PARP8: variants seen among roughly 807,000 people sequenced by gnomAD.
PARP8 encodes poly(ADP-ribose) polymerase family member 8.
Under a neutral mutation model 124.1 loss-of-function variants are expected in PARP8, and 51 were observed. That is an observed-to-expected ratio of 0.41 (90% CI 0.33 to 0.52). The LOEUF is 0.52. Ranked by LOEUF, PARP8 falls within the 20% of genes least tolerant of loss-of-function variation. The probability of loss-of-function intolerance (pLI) is 0.21; values close to 1 mark genes in which losing one functional copy is unlikely to be tolerated. For missense variants in PARP8, 860 were observed against 1,018.9 expected (o/e 0.84, Z 2.12); for synonymous variants, 391 against 361.5 (o/e 1.08, Z -0.93).
chr5:50,823,588 A>G (rs981793738), intron 17 of PARP8, among the ~76,000 whole-genome samples: 3 of 152,220 alleles, frequency 2.0e-5, no homozygotes, highest in African/African-American at 7.2e-5. Context: ...TAGGAGAAAA[A>G]AAGAACATAT....
At chr5:50,826,941 T>C (rs1746419659) in intron 19 of PARP8, 138 bp downstream of exon 19, 1 of 1,267,868 alleles carries the variant, frequency 7.9e-7, no homozygotes, top group African/African-American at 1.6e-5. Context: ...ATTCTTTAGT[T>C]TGAAATAGCC....
chr5:50,736,398 T>A (rs1757482064), intron 2 of PARP8, among the ~76,000 whole-genome samples: 1 of 152,188 alleles, frequency 6.6e-6, no homozygotes, highest in South Asian at 2.1e-4. Context: ...AACCAATGCC[T>A]ATTTGGAACA....
At chr5:50,686,115 A>T (rs1050481601) in intron 2 of PARP8, among the ~76,000 whole-genome samples, 1 of 152,228 alleles carries the variant, frequency 6.6e-6, no homozygotes, top group South Asian at 2.1e-4. Context: ...AGACATGGAA[A>T]GTCCCTTCCA....
At chr5:50,668,463 A>G (rs1579880001) in intron 2 of PARP8, 2 of 219,174 alleles carry the variant, frequency 9.1e-6, no homozygotes, top group South Asian at 1.0e-4. Flanking sequence ...AGTGAAATGT[A>G]TAAAAGACAT....
intron 2 of PARP8, among the ~76,000 whole-genome samples, chr5:50,731,494 C>T (rs1394040563): frequency 1.3e-5 from 2 of 152,062 alleles, no homozygotes; most frequent in Non-Finnish European, 2.9e-5. Flanking sequence ...TATTTATATG[C>T]TAAAGAAGAA....
At chr5:50,692,162 G>A (rs1752559534) in intron 2 of PARP8, among the ~76,000 whole-genome samples, 1 of 152,024 alleles carries the variant, frequency 6.6e-6, no homozygotes, top group Non-Finnish European at 1.5e-5. Flanking sequence ...TCTGCTTAAA[G>A]CCCTTCCTTG....
At chr5:50,783,457 A>G (rs945598452) in intron 9 of PARP8, among the ~76,000 whole-genome samples, 2 of 152,188 alleles carry the variant, frequency 1.3e-5, no homozygotes, top group African/African-American at 2.4e-5. Context: ...TGATTTACAT[A>G]AATGCTATCG....
intron 3 of PARP8, among the ~76,000 whole-genome samples, chr5:50,753,891 C>T (rs780933146): frequency 6.6e-6 from 1 of 150,778 alleles, no homozygotes; most frequent in Non-Finnish European, 1.5e-5. Context: ...TTCATCTCTC[C>T]CCAAGTCTCA....
chr5:50,727,804 C>A (rs1580116589), intron 2 of PARP8, among the ~76,000 whole-genome samples: 1 of 152,182 alleles, frequency 6.6e-6, no homozygotes, highest in Admixed American at 6.6e-5. Context: ...TTCCTGGTAC[C>A]CTTTGTCAAG....
chr5:50,824,137 A>G (rs1746076263), intron 17 of PARP8, among the ~76,000 whole-genome samples: 1 of 152,210 alleles, frequency 6.6e-6, no homozygotes, highest in Non-Finnish European at 1.5e-5. Context: ...CTTTTTAGAG[A>G]AGGCTTCGTC....
chr5:50,782,925 A>G (rs1042151644), intron 9 of PARP8, among the ~76,000 whole-genome samples: 6 of 152,190 alleles, frequency 3.9e-5, no homozygotes, highest in African/African-American at 1.4e-4. Flanking sequence ...TGACCGCAAG[A>G]GATCACTACA....
chr5:50,702,310 C>G (rs1231764996), intron 2 of PARP8, among the ~76,000 whole-genome samples: 5 of 152,054 alleles, frequency 3.3e-5, no homozygotes, highest in Non-Finnish European at 5.9e-5. Context: ...CAATAAATAA[C>G]TTGATCTGTG....
At chr5:50,747,761 CTTTTTTTTTTT>C (rs70972943) in intron 2 of PARP8, among the ~76,000 whole-genome samples, 4 of 52,936 alleles carry the variant, frequency 7.6e-5, no homozygotes, top group East Asian at 5.3e-4. Flanking sequence ...ATAGACCTTG[CTTTTTTTTTTT>C]TTTTTTTTTT....
At chr5:50,707,672 A>T (rs1754302953) in intron 2 of PARP8, among the ~76,000 whole-genome samples, 1 of 151,342 alleles carries the variant, frequency 6.6e-6, no homozygotes, top group African/African-American at 2.4e-5. Flanking sequence ...AGAAAATGCC[A>T]GTATTATCCT....
At chr5:50,835,482 G>A (rs1436863314) in intron 25 of PARP8, among the ~76,000 whole-genome samples, 4 of 152,208 alleles carry the variant, frequency 2.6e-5, no homozygotes, top group Non-Finnish European at 4.4e-5. Flanking sequence ...GGAGGTTGCA[G>A]TGAGCCAAGA....
At chr5:50,794,748 T>C in intron 11 of PARP8, 105 bp from the exon 12 acceptor site, 1 of 989,974 alleles carries the variant, frequency 1.0e-6, no homozygotes, top group Non-Finnish European at 1.5e-6. Context: ...TAAAATGAGG[T>C]GGTAGAATAT....
At chr5:50,741,066 T>G (rs1439593840) in intron 2 of PARP8, among the ~76,000 whole-genome samples, 1 of 152,170 alleles carries the variant, frequency 6.6e-6, no homozygotes, top group Non-Finnish European at 1.5e-5. Flanking sequence ...TTAAACTTTT[T>G]ATGACCACTT....
chr5:50,741,356 C>T (rs1758023285), intron 2 of PARP8, among the ~76,000 whole-genome samples: 1 of 152,160 alleles, frequency 6.6e-6, no homozygotes, highest in African/African-American at 2.4e-5. Context: ...GAGAGAAGCA[C>T]AGCTTTATTT....
Position 50,842,210 on chromosome 5 carries a change from T to C in PARP8, c.*142T>C. On this transcript the variant is annotated 3_prime_UTR_variant, in exon 26 of 26. Transcript: ENST00000281631. ...AATACTGATTTTTTTTCTTAGTATT[T>C]CTAAGTATCTCATTAAATACCTAAA... is the stretch of plus-strand genomic sequence containing the variant. The C allele has an allele frequency of 1.7e-6, 1 of 589,342 alleles. No homozygotes were observed. Among genetic ancestry groups the C allele is most frequent in the Non-Finnish European group, 3.0e-6 (1 of 336,574 alleles). The allele number at this position is 589,342 out of a possible 1,614,324, so 36.5% of individuals were successfully genotyped here.
Sources: gnomAD v4.1 joint callset for allele counts (sites outside exome capture counted in the v4.1 genomes callset) on GRCh38, gnomAD v4.1.1 for gene constraint, MANE v1.5 for transcripts, NCBI Gene and HGNC (gene_info 2026-07-23, HGNC 2026-07-21) for gene names.